Variants in TAB1 observed in about 807,000 individuals in gnomAD.
TAB1 encodes TGF-beta activated kinase 1 (MAP3K7) binding protein 1.
A neutral mutation model predicts 54.5 loss-of-function variants in TAB1; 30 were observed. The observed-to-expected ratio is 0.55, with a 90% confidence interval of 0.41 to 0.75. TAB1 has a LOEUF of 0.75. Among genes scored for constraint, TAB1 ranks in the 30% least tolerant of loss-of-function variants. The pLI is 0.00. For synonymous variants in TAB1, 289 were observed against 286.9 expected (o/e 1.01, Z -0.07); for missense variants, 609 against 683.2 (o/e 0.89, Z 1.21).
At chr22:39,412,243 T>C (rs937958700) in intron 1 of TAB1, among the ~76,000 whole-genome samples, 2 of 152,204 alleles carry the variant, frequency 1.3e-5, no homozygotes, top group African/African-American at 4.8e-5. Context: ...TTTCGCCACA[T>C]TGGCCAGGCT....
chr22:39,429,302 G>A (rs547319515), intron 10 of TAB1: 6 of 985,250 alleles, frequency 6.1e-6, no homozygotes, highest in South Asian at 4.7e-5. Context: ...CACCTTGCCC[G>A]CCCTGCTGAG....
In TAB1 at chr22:39,415,443, C is replaced by T. The variant is rs1926783731; in HGVS notation, c.171-57C>T. On this transcript the variant is annotated intron_variant, in intron 2 of 10. Transcript: ENST00000216160. This position sits in a 1 kb window ranked among gnomAD's most constrained non-coding sequence, Gnocchi z 4.9. ...CTCCCCCAATTCCTTTCCCTTTCTC[C>T]CTCCACCTCCGTGAGACCCTGGTCT... 2 of 1,586,930 alleles carry T rather than the reference C, an allele frequency of 1.3e-6. No homozygotes were observed. The highest frequency in any genetic ancestry group is 1.7e-5 in the Admixed American group (1 of 59,192).
At chr22:39,402,276 A>G (rs1926180576) in intron 1 of TAB1, among the ~76,000 whole-genome samples, 1 of 152,180 alleles carries the variant, frequency 6.6e-6, no homozygotes, top group Non-Finnish European at 1.5e-5. Flanking sequence ...TTCGCCTCCC[A>G]AAGTGCTGGG....
At chr22:39,422,036 C>T in intron 8 of TAB1, 65 bp downstream of exon 8, 1 of 1,393,972 alleles carries the variant, frequency 7.2e-7, no homozygotes, top group South Asian at 1.5e-5. Context: ...GATGTGCTCA[C>T]CCTGCCTTCT....
chr22:39,406,297 G>A (rs750637253), intron 1 of TAB1, among the ~76,000 whole-genome samples: 8 of 151,788 alleles, frequency 5.3e-5, no homozygotes, highest in Admixed American at 2.6e-4. Flanking sequence ...TACTCCAGAG[G>A]CTGAGGCAGA....
chr22:39,410,282 A>G (rs1926551835), intron 1 of TAB1, among the ~76,000 whole-genome samples: 3 of 151,978 alleles, frequency 2.0e-5, no homozygotes, highest in Non-Finnish European at 4.4e-5. Flanking sequence ...TAATTTTTGT[A>G]TTTTTAGTAG....
At chr22:39,420,767 C>CGG (rs1426042617) in intron 7 of TAB1, among the ~76,000 whole-genome samples, 1 of 140,322 alleles carries the variant, frequency 7.1e-6, no homozygotes, top group Non-Finnish European at 1.5e-5. Flanking sequence ...TATACACACA[C>CGG]GGTGTCTCTG....
rs1311202504 is a variant in TAB1 at position 39,430,488 on chromosome 22, G to A, written c.*266G>A. The A allele has an allele frequency of 3.7e-6, 5 of 1,358,426 alleles. No individual in the cohort carries two copies. The highest frequency in any genetic ancestry group is 3.8e-6 in the Non-Finnish European group (4 of 1,050,540). The allele number at this position is 1,358,426 out of a possible 1,614,324, so 84.1% of individuals were successfully genotyped here. A position where few individuals can be genotyped will look rare whatever the true frequency, so the allele number is the denominator to read the frequency against. ...CCATCGCCCTTTCTCAGAGCAGAGG[G>A]CCAGGTATAGAAACCGCAGTGGGCC... On this transcript the variant is annotated 3_prime_UTR_variant, in exon 11 of 11. Transcript: ENST00000216160.
intron 9 of TAB1, 68 bp from the exon 10 acceptor site, chr22:39,427,953 C>G: frequency 7.0e-7 from 1 of 1,427,886 alleles, no homozygotes; most frequent in Non-Finnish European, 9.6e-7. Flanking sequence ...CATGGAGCAG[C>G]TATGCCCCTG....
In TAB1 at chr22:39,431,598, C is replaced by T; in HGVS notation, c.*1376C>T. 1.0e-6 allele frequency: 1 copy of T among 985,440 alleles called. No homozygotes were observed. The highest frequency in any genetic ancestry group is 1.2e-6 in the Non-Finnish European group (1 of 829,962). 61.0% of individuals were successfully genotyped at this position (985,440 alleles called of 1,614,324 possible). A position where few individuals can be genotyped will look rare whatever the true frequency, so the allele number is the denominator to read the frequency against. On this transcript the variant is annotated 3_prime_UTR_variant, in exon 11 of 11. Transcript: ENST00000216160. ...GGCCTGGGAATCCATTTTCCTGCGG[C>T]AGAGCAGGGCCTGGTGTGGAACCAG... is the stretch of plus-strand genomic sequence containing the variant.
chr22:39,426,980 G>A (rs1004889005), intron 9 of TAB1, 55 bp downstream of exon 9: 4 of 1,566,478 alleles, frequency 2.6e-6, no homozygotes, highest in Non-Finnish European at 3.5e-6. Context: ...GGGGCCAGAG[G>A]TGGGTGCAGA....
At chr22:39,429,040 G>A (rs1324496075) in intron 10 of TAB1, 1 of 985,254 alleles carries the variant, frequency 1.0e-6, no homozygotes, top group African/African-American at 1.7e-5. Context: ...CTCCAGCTGT[G>A]TCCACAAAGC....
chr22:39,428,638 CA>C lies in TAB1; in HGVS notation c.1307+456del, dbSNP rs149457430. Among the ~76,000 whole-genome samples the C allele has an allele frequency of 1.6e-3, 247 of 152,302 alleles. 5 individuals carry two copies. The East Asian group carries it at 0.043, about 27-fold the overall frequency. ...GGCAACAGCCTGAGGGGGATGCGGCCAGGCCCCCTCCAGCCGCAGACCTGCC... is the reference window on the plus strand; with the variant it reads ...GGCAACAGCCTGAGGGGGATGCGGCCGGCCCCCTCCAGCCGCAGACCTGCC... On this transcript the variant is annotated intron_variant, in intron 10 of 10. Transcript: ENST00000216160.
chr22:39,415,509 C>T lies in TAB1; in HGVS notation c.180C>T (p.Asn60=), dbSNP rs1467566057. The T allele has an allele frequency of 6.2e-7, 1 of 1,614,006 alleles. No homozygotes were observed. ...EDSWLKFRSE[N]NCFLYGVFNG... is the part of the protein sequence containing the mutation. ...CCTCTCCCTCTTCCAGGAGTGAGAA[C>T]AACTGCTTCCTGTATGGGGTCTTCA... The change falls in exon 3 of 11, where the codon AAC becomes AAT. Residue 60 remains asparagine (N), a synonymous_variant. Transcript: ENST00000216160. This position sits in a 1 kb window ranked among gnomAD's most constrained non-coding sequence, Gnocchi z 4.9.
At chr22:39,436,511 C>T (rs370225709), downstream of TAB1, 165 of 1,613,948 alleles carry the variant, frequency 1.0e-4, no homozygotes, top group Non-Finnish European at 1.2e-4. Context: ...GGCCTGCAAG[C>T]GATTTGACAG....
intron 10 of TAB1, chr22:39,429,135 A>T (rs1461438827): frequency 2.0e-6 from 2 of 985,296 alleles, no homozygotes; most frequent in African/African-American, 3.5e-5. Context: ...TCAGCGTCTG[A>T]GCCATAGTTG....
At chr22:39,436,630 C>A, downstream of TAB1, 1 of 1,378,564 alleles carries the variant, frequency 7.3e-7, no homozygotes, top group Non-Finnish European at 1.0e-6. Context: ...GGGGTTTTGT[C>A]GCCTGGTCTG....
intron 9 of TAB1, 27 bp downstream of exon 9, chr22:39,426,952 G>T (rs1288112564): frequency 6.3e-7 from 1 of 1,594,938 alleles, no homozygotes; most frequent in South Asian, 1.1e-5. Context: ...GACAGGCAGT[G>T]CCTGGGGATG....
intron 8 of TAB1, among the ~76,000 whole-genome samples, chr22:39,424,413 T>G (rs1247573269): frequency 6.6e-6 from 1 of 151,394 alleles, no homozygotes; most frequent in Non-Finnish European, 1.5e-5. Context: ...TGCCTAACTA[T>G]CCCCTGTTCC....
Sources: gnomAD v4.1 joint callset for allele counts (sites outside exome capture counted in the v4.1 genomes callset) on GRCh38, gnomAD v4.1.1 for gene constraint, Gnocchi (gnomAD v3.1) non-coding constraint, MANE v1.5 for transcripts, NCBI Gene and HGNC (gene_info 2026-07-23, HGNC 2026-07-21) for gene names.